Variants in IL1RAPL1 observed in about 807,000 individuals in gnomAD.
IL1RAPL1 encodes interleukin 1 receptor accessory protein like 1.
IL1RAPL1 carries 3 observed loss-of-function variants against 48.4 expected under a neutral mutation model. That is an observed-to-expected ratio of 0.06 (90% CI 0.03 to 0.16). IL1RAPL1 has a LOEUF of 0.16. IL1RAPL1 is among the 10% of genes least tolerant of loss of function. The pLI, the probability that IL1RAPL1 is intolerant of heterozygous loss-of-function variation, is 1.00. For missense variants in IL1RAPL1, 349 were observed against 530.6 expected (o/e 0.66, Z 3.36); for synonymous variants, 185 against 187.7 (o/e 0.99, Z 0.12).
chrX:28,847,715 G>C (rs58415286), intron 2 of IL1RAPL1, among the ~76,000 whole-genome samples: 7,784 of 111,140 alleles, frequency 0.07, 535 homozygotes, highest in East Asian at 0.25. Flanking sequence ...CCGCTCCCCT[G>C]CCTGTCACAG....
At chrX:29,184,234 T>C (rs1930206872) in intron 2 of IL1RAPL1, among the ~76,000 whole-genome samples, 1 of 111,549 alleles carries the variant, frequency 9.0e-6, no homozygotes, top group Admixed American at 9.6e-5. Flanking sequence ...GTGGCAGGAA[T>C]GATGTTTTAT....
chrX:29,550,401 C>G (rs1264512921), intron 5 of IL1RAPL1, among the ~76,000 whole-genome samples: 1 of 110,804 alleles, frequency 9.0e-6, no homozygotes, highest in Non-Finnish European at 1.9e-5. Flanking sequence ...TCACCGTGGT[C>G]TTGATCTGAC....
intron 2 of IL1RAPL1, among the ~76,000 whole-genome samples, chrX:29,088,032 TCAA>T (rs753106789): frequency 4.5e-5 from 5 of 111,931 alleles, no homozygotes; most frequent in East Asian, 2.8e-4. Flanking sequence ...AGATCCTGTC[TCAA>T]CAACAACAAC....
chrX:29,865,975 A>G (rs768309398), intron 6 of IL1RAPL1, among the ~76,000 whole-genome samples: 1 of 110,391 alleles, frequency 9.1e-6, no homozygotes, highest in South Asian at 3.9e-4. Context: ...ATTTCAACTT[A>G]TTACATGGCT....
At chrX:29,399,596 G>T (rs183332425) in intron 5 of IL1RAPL1, among the ~76,000 whole-genome samples, 459 of 111,269 alleles carry the variant, frequency 4.1e-3, no homozygotes, top group Admixed American at 9.2e-3. Context: ...CAAGGTGGGC[G>T]AATCACGAGG....
chrX:29,340,032 T>C (rs893217173), intron 3 of IL1RAPL1, among the ~76,000 whole-genome samples: 1 of 112,237 alleles, frequency 8.9e-6, no homozygotes, highest in African/African-American at 3.2e-5. Flanking sequence ...TAGTAGGTGC[T>C]GAATACATGT....
chrX:28,897,290 C>T (rs1473824920), intron 2 of IL1RAPL1, among the ~76,000 whole-genome samples: 2 of 111,435 alleles, frequency 1.8e-5, no homozygotes, highest in Non-Finnish European at 3.8e-5. Context: ...GGCGTCCCTG[C>T]GTGGCCAGAG....
At chrX:28,619,805 T>C (rs1349890913) in intron 1 of IL1RAPL1, among the ~76,000 whole-genome samples, 1 of 110,972 alleles carries the variant, frequency 9.0e-6, no homozygotes, top group Admixed American at 9.6e-5. Context: ...GAAGTTTTCT[T>C]ATGCAGTGGT....
intron 2 of IL1RAPL1, among the ~76,000 whole-genome samples, chrX:29,148,959 A>G (rs1456683974): frequency 9.0e-6 from 1 of 110,889 alleles, no homozygotes; most frequent in African/African-American, 3.3e-5. Flanking sequence ...CAATACCAGC[A>G]CTCTGAAGTC....
chrX:29,203,689 G>A (rs955484997), intron 2 of IL1RAPL1, among the ~76,000 whole-genome samples: 29 of 100,582 alleles, frequency 2.9e-4, no homozygotes, highest in Non-Finnish European at 5.3e-4. Context: ...ATTGCACTCC[G>A]GCCTGGGCAA....
intron 2 of IL1RAPL1, among the ~76,000 whole-genome samples, chrX:28,973,181 C>A (rs1210982825): frequency 9.0e-6 from 1 of 111,639 alleles, no homozygotes; most frequent in African/African-American, 3.3e-5. Context: ...ATTTGTGTAT[C>A]CATAAGTCAC....
intron 2 of IL1RAPL1, among the ~76,000 whole-genome samples, chrX:29,164,864 A>G (rs1362818941): frequency 3.6e-5 from 4 of 111,104 alleles, no homozygotes; most frequent in Non-Finnish European, 7.5e-5. Context: ...AACCTCTTCT[A>G]TGGGTATTTT....
At chrX:28,779,280 G>C (rs1936391661) in intron 1 of IL1RAPL1, among the ~76,000 whole-genome samples, 1 of 110,763 alleles carries the variant, frequency 9.0e-6, no homozygotes, top group Admixed American at 9.7e-5. Context: ...ATTCCCCTAA[G>C]ATGGGTAGTT....
intron 2 of IL1RAPL1, among the ~76,000 whole-genome samples, chrX:28,969,995 A>G (rs775480349): frequency 7.2e-5 from 8 of 111,218 alleles, no homozygotes; most frequent in South Asian, 7.6e-4. Context: ...ACACATATAT[A>G]TGTTTAGAAA....
At chrX:28,599,115 C>G (rs1933990680) in intron 1 of IL1RAPL1, among the ~76,000 whole-genome samples, 1 of 108,813 alleles carries the variant, frequency 9.2e-6, no homozygotes, top group Admixed American at 9.7e-5. Flanking sequence ...TTGGCAGGTT[C>G]TTGTGATCCC....
chrX:29,519,728 C>T (rs1012819887), intron 5 of IL1RAPL1, among the ~76,000 whole-genome samples: 3 of 111,114 alleles, frequency 2.7e-5, no homozygotes, highest in East Asian at 2.8e-4. Flanking sequence ...GGGGTCCTAG[C>T]GAAGAAATGT....
chrX:28,609,707 T>A, intron 1 of IL1RAPL1, among the ~76,000 whole-genome samples: 1 of 108,704 alleles, frequency 9.2e-6, no homozygotes, highest in South Asian at 4.2e-4. Flanking sequence ...AATTTCTGCC[T>A]AGAAAACTCT....
chrX:29,312,574 A>T (rs1427364001), intron 3 of IL1RAPL1, among the ~76,000 whole-genome samples: 1 of 112,273 alleles, frequency 8.9e-6, no homozygotes, highest in Admixed American at 9.4e-5. Context: ...TTAAACAAAG[A>T]GAAATTCATC....
intron 2 of IL1RAPL1, among the ~76,000 whole-genome samples, chrX:28,830,986 C>A (rs1921027701): frequency 1.2e-5 from 1 of 86,533 alleles, no homozygotes; most frequent in Non-Finnish European, 2.3e-5. Flanking sequence ...AACCTTTGCC[C>A]AGGGTTTCTC....
Sources: gnomAD v4.1 joint callset for allele counts (sites outside exome capture counted in the v4.1 genomes callset) on GRCh38, gnomAD v4.1.1 for gene constraint, MANE v1.5 for transcripts, NCBI Gene and HGNC (gene_info 2026-07-23, HGNC 2026-07-21) for gene names.